Variants in SLC12A4 observed in about 807,000 individuals in gnomAD.
SLC12A4 encodes the protein electroneutral potassium-chloride cotransporter 1.
In SLC12A4, 84 loss-of-function variants were observed where a neutral mutation model predicts 119.2. The ratio of observed to expected loss-of-function variants is 0.70; its 90% CI spans 0.59 to 0.85. The LOEUF is 0.85. Ranked by LOEUF, SLC12A4 falls within the 40% of genes least tolerant of loss-of-function variation. The pLI, the probability that SLC12A4 is intolerant of heterozygous loss-of-function variation, is 0.00. For synonymous variants in SLC12A4, 599 were observed against 604.6 expected, an observed-to-expected ratio of 0.99 and a Z score of 0.14; for missense variants, 1,298 against 1,476.3, an observed-to-expected ratio of 0.88 and a Z score of 1.98.
rs1228168003 is a variant in SLC12A4, at chr16:67,950,363, G to C, written c.1585C>G (p.Leu529Val). 2 of 1,613,942 alleles carry C rather than the reference G, an allele frequency of 1.2e-6. No individual in the cohort carries two copies. Among genetic ancestry groups the C allele is most frequent in the Non-Finnish European group, 1.7e-6 (2 of 1,180,036 alleles). The change falls in exon 12 of 24, where the codon CTA becomes GTA. Residue 529 changes from leucine to valine, a missense_variant. Physicochemically the swap from Leu to Val is conservative, Grantham distance 32 (BLOSUM62 1). Transcript: ENST00000316341. This position sits in a 1 kb window ranked among gnomAD's most constrained non-coding sequence, Gnocchi z 4.3. ...GLQSLTGAPR[L>V]LQAIAKDNII... ...TTGTCCTTGGCAATGGCCTGCAATA[G>C]GCGTGGTGCCCCTGTGAGGCTCTGG...
intron 4 of SLC12A4, 49 bp downstream of exon 4, chr16:67,957,849 G>A: frequency 6.2e-7 from 1 of 1,614,022 alleles, no homozygotes; most frequent in Non-Finnish European, 8.5e-7. Context: ...CTCTGTGGGG[G>A]CAGCCGTGGC....
chr16:67,964,019 G>C, intron 1 of SLC12A4: 5 of 1,551,078 alleles, frequency 3.2e-6, no homozygotes, highest in Non-Finnish European at 4.4e-6. Flanking sequence ...CAGCACCTTC[G>C]GCTGCCATGG....
At position 67,958,027 on chromosome 16, in the gene SLC12A4, G is replaced by A; in HGVS notation, c.360C>T (p.Thr120=). The A allele has an allele frequency of 6.2e-7, 1 of 1,614,062 alleles. No homozygotes were observed. The highest frequency in any genetic ancestry group is 8.5e-7 in the Non-Finnish European group (1 of 1,179,942). The change falls in exon 4 of 24, where the codon ACC becomes ACT. Residue 120 remains threonine (T), a synonymous_variant. Coordinates refer to ENST00000316341, the MANE Select transcript of SLC12A4 (RefSeq NM_005072.5). ...GGCAGGGCAGGTACACCCCCATGAG[G>A]GTGCCCATGCTGGGTGCCTATGCGA... is the stretch of plus-strand genomic sequence containing the variant. ...RRAAEAPSMG[T]LMGVYLPCLQ... is the part of the protein sequence containing the mutation.
chr16:67,968,417 G>C (rs1340135423), intron 1 of SLC12A4, 22 bp downstream of exon 1: 1 of 1,550,688 alleles, frequency 6.4e-7, no homozygotes, highest in Admixed American at 1.8e-5. Context: ...CCCCGCCACG[G>C]CCCCTCAGAA....
intron 17 of SLC12A4, 136 bp downstream of exon 17, chr16:67,946,801 T>G: frequency 8.0e-7 from 1 of 1,246,320 alleles, no homozygotes; most frequent in South Asian, 1.4e-5. Context: ...TGGCTCCCCC[T>G]TGTGCCAGCT....
In SLC12A4 at chr16:67,950,481, A is replaced by G; in HGVS notation, c.1467T>C (p.Gly489=). 1 of 1,613,942 alleles carries G rather than the reference A, an allele frequency of 6.2e-7. No individual in the cohort carries two copies. Among genetic ancestry groups the G allele is most frequent in the Non-Finnish European group, 8.5e-7 (1 of 1,180,006 alleles). ...TGCCCACCACCAAGTTCCTGCTGACACCATCGCCATACCTGCAGGGGCCAC... is the reference window on the plus strand; with the variant it reads ...TGCCCACCACCAAGTTCCTGCTGACGCCATCGCCATACCTGCAGGGGCCAC... ...GVVLRDKYGD[G]VSRNLVVGTL... The change falls in exon 12 of 24, where the codon GGT becomes GGC. Residue 489 remains glycine (G), a synonymous_variant. Transcript: ENST00000316341. The surrounding 1 kb of genome is among the most constrained non-coding windows in gnomAD (Gnocchi z 4.3).
intron 1 of SLC12A4, chr16:67,966,682 A>T: frequency 4.6e-6 from 7 of 1,536,094 alleles, no homozygotes; most frequent in Non-Finnish European, 6.2e-6. Context: ...GGCAGGAGAT[A>T]GATCTGAGGC....
At chr16:67,964,887 C>A (rs575964211) in intron 1 of SLC12A4, among the ~76,000 whole-genome samples, 2 of 152,246 alleles carry the variant, frequency 1.3e-5, no homozygotes, top group Non-Finnish European at 2.9e-5. Context: ...AACCACTCAG[C>A]AGGTGCTGTG....
intron 1 of SLC12A4, among the ~76,000 whole-genome samples, chr16:67,965,245 C>G (rs926046202): frequency 3.9e-5 from 6 of 152,198 alleles, no homozygotes; most frequent in Admixed American, 1.3e-4. Flanking sequence ...CACTCTGCCT[C>G]TTACATTAAT....
chr16:67,948,772 A>AG (rs1488046141), intron 13 of SLC12A4, among the ~76,000 whole-genome samples: 1 of 151,832 alleles, frequency 6.6e-6, no homozygotes, highest in Admixed American at 6.6e-5. Context: ...TTTGGGCACA[A>AG]GGGGGGTCAC....
chr16:67,966,608 G>A, intron 1 of SLC12A4: 1 of 1,019,070 alleles, frequency 9.8e-7, no homozygotes. Flanking sequence ...GGCCAAGGTG[G>A]GCTGGATGAG....
chr16:67,945,028 C>T (rs1210078982), intron 23 of SLC12A4, 59 bp downstream of exon 23: 1 of 1,594,530 alleles, frequency 6.3e-7, no homozygotes, highest in East Asian at 2.2e-5. Flanking sequence ...AGAGAAGCCG[C>T]TGGCTTGACC....
At position 67,944,016 on chromosome 16, in the gene SLC12A4, T is replaced by A; in HGVS notation, c.*824A>T. The stretch of plus-strand genomic sequence containing the variant: ...CGTGGTGTGCGGGGGGAAGAGCACA[T>A]TGAGGAGCCAGAAGGGGGCGGCAGG... On this transcript the variant is annotated 3_prime_UTR_variant, in exon 24 of 24. Transcript: ENST00000316341. The surrounding 1 kb of genome is among the most constrained non-coding windows in gnomAD (Gnocchi z 6.6). 1 of 1,547,832 alleles carries A rather than the reference T, an allele frequency of 6.5e-7. No individual in the cohort carries two copies. The highest frequency in any genetic ancestry group is 8.7e-7 in the Non-Finnish European group (1 of 1,145,682).
At position 67,951,388 on chromosome 16, in the gene SLC12A4, A is replaced by T; in HGVS notation, c.1133-84T>A. 1 of 1,493,570 alleles carries T rather than the reference A, an allele frequency of 6.7e-7. No individual in the cohort carries two copies. The allele number at this position is 1,493,570 out of a possible 1,614,324, so 92.5% of individuals were successfully genotyped here. On this transcript the variant is annotated intron_variant, in intron 8 of 23. Transcript: ENST00000316341. This position sits in a 1 kb window ranked among gnomAD's most constrained non-coding sequence, Gnocchi z 5.2. ...GCAGCCTAGCCAGAGGCGCAGATGC[A>T]GGGCAACTTTGGGGACTCAGGGAAC...
chr16:67,947,180 C>T (rs1004940653), intron 16 of SLC12A4, 75 bp from the exon 17 acceptor site: 24 of 1,524,114 alleles, frequency 1.6e-5, no homozygotes, highest in Admixed American at 8.0e-5. Context: ...CTTCCCTTCT[C>T]GGGTCGTGGT....
At chr16:67,954,174 C>T (rs1291391811) in intron 6 of SLC12A4, 9 of 396,428 alleles carry the variant, frequency 2.3e-5, no homozygotes, top group Non-Finnish European at 3.5e-5. Context: ...CCATGGGGCT[C>T]GTGGAGGGAG....
In SLC12A4 at chr16:67,945,551, G is replaced by A; in HGVS notation, c.2850C>T (p.Ala950=). The change falls in exon 22 of 24, where the codon GCC becomes GCT. Residue 950 remains alanine (A), a splice_region_variant and synonymous_variant. Transcript: ENST00000316341. Reference sequence around the variant, plus strand: ...CCGAGTGCCGATCCTTGACCAGCTGGGCCTGAGGACAATTGCAGGAGATAG... The same window carrying A: ...CCGAGTGCCGATCCTTGACCAGCTGAGCCTGAGGACAATTGCAGGAGATAG... ...RLTKTERERE[A]QLVKDRHSAL... is the part of the protein sequence containing the mutation. 1.2e-6 allele frequency: 2 copies of A among 1,613,168 alleles called. No individual in the cohort carries two copies. Among genetic ancestry groups the A allele is most frequent in the South Asian group, 1.1e-5 (1 of 91,024 alleles).
In SLC12A4 at chr16:67,949,728, C is replaced by T. The variant is rs1016058118; in HGVS notation, c.1748+72G>A. 5 of 1,045,668 alleles carry T rather than the reference C, an allele frequency of 4.8e-6. No homozygotes were observed. Among genetic ancestry groups the T allele is most frequent in the Non-Finnish European group, 7.1e-6 (5 of 704,288 alleles). The allele number at this position is 1,045,668 out of a possible 1,614,324, so 64.8% of individuals were successfully genotyped here. A position where few individuals can be genotyped will look rare whatever the true frequency, so the allele number is the denominator to read the frequency against. ...TCCCAGCTGGACCTCCAACACCAGA[C>T]GCAGCCACGGGGAGGTGCTGGGGTT... On this transcript the variant is annotated intron_variant, in intron 13 of 23. Transcript: ENST00000316341. This position sits in a 1 kb window ranked among gnomAD's most constrained non-coding sequence, Gnocchi z 4.6.
Position 67,943,907 on chromosome 16 carries a change from A to G in SLC12A4, c.*933T>C. The G allele has an allele frequency of 6.6e-7, 1 of 1,505,856 alleles. No individual in the cohort carries two copies. 93.3% of individuals were successfully genotyped at this position (1,505,856 alleles called of 1,614,324 possible). A position where few individuals can be genotyped will look rare whatever the true frequency, so the allele number is the denominator to read the frequency against. ...CCAGGGGCTGGGGCCCAGGCTCCCC[A>G]GGGTCTGGCGTGGTGCATCAGGGGC... On this transcript the variant is annotated 3_prime_UTR_variant, in exon 24 of 24. Transcript: ENST00000316341. The surrounding 1 kb of genome is among the most constrained non-coding windows in gnomAD (Gnocchi z 4.6).
Sources: gnomAD v4.1 joint callset for allele counts (sites outside exome capture counted in the v4.1 genomes callset) on GRCh38, gnomAD v4.1.1 for gene constraint, Gnocchi (gnomAD v3.1) non-coding constraint, MANE v1.5 for transcripts, NCBI Gene and HGNC (gene_info 2026-07-23, HGNC 2026-07-21) for gene names.